NUBPL: variants seen among roughly 807,000 people sequenced by gnomAD.
NUBPL encodes NUBP iron-sulfur cluster assembly factor, mitochondrial.
Under a neutral mutation model 45.7 loss-of-function variants are expected in NUBPL, and 31 were observed. The ratio of observed to expected loss-of-function variants is 0.68; its 90% CI spans 0.51 to 0.92. NUBPL has a LOEUF of 0.92. Among genes scored for constraint, NUBPL ranks in the 40% least tolerant of loss-of-function variants. The pLI is 0.00. For synonymous variants in NUBPL, 144 were observed against 140.9 expected (o/e 1.02, Z -0.15); for missense variants, 401 against 398.7 (o/e 1.01, Z -0.05).
chr14:31,858,987 A>G (rs1201098403), intron 10 of NUBPL, 131 bp from the exon 11 acceptor site: 2 of 742,450 alleles, frequency 2.7e-6, no homozygotes, highest in East Asian at 5.4e-5. Flanking sequence ...CTATCTTCTC[A>G]ATACTGAATT....
rs747163376 is a variant in NUBPL, at chr14:31,708,514, C to G, written c.513+34940C>G. On this transcript the variant is annotated intron_variant, in intron 6 of 10. Transcript: ENST00000281081. ...CTCTCTAATAAGGGTGTGGGACTTT[C>G]AGGCATAACAAGAAAGGCATGTGAA... 4.8e-4 allele frequency among the ~76,000 whole-genome samples: 73 copies of G among 152,318 alleles called. 1 individual carries two copies. Among genetic ancestry groups the G allele is most frequent in the Non-Finnish European group, 7.1e-4 (48 of 68,034 alleles).
At position 31,810,852 on chromosome 14, in the gene NUBPL, G is replaced by T. The variant is rs184889686; in HGVS notation, c.608-15777G>T. 5.4e-4 allele frequency among the ~76,000 whole-genome samples: 82 copies of T among 152,210 alleles called. No individual in the cohort carries two copies. In the East Asian group the frequency reaches 0.013, roughly 24 times the overall value. ...TCTCAGCATTTGCTAGTCTGTAAAG[G>T]ATTTTATTTCTCCTTCCCTTATGAA... On this transcript the variant is annotated intron_variant, in intron 7 of 10. Transcript: ENST00000281081.
At chr14:31,645,886 G>A (rs542788799) in intron 4 of NUBPL, among the ~76,000 whole-genome samples, 19 of 147,130 alleles carry the variant, frequency 1.3e-4, no homozygotes, top group East Asian at 8.1e-4. Flanking sequence ...TCTTTTAGAC[G>A]TCATGCTAAA....
intron 6 of NUBPL, among the ~76,000 whole-genome samples, chr14:31,717,843 C>T (rs1184329631): frequency 6.6e-6 from 1 of 152,024 alleles, no homozygotes; most frequent in Non-Finnish European, 1.5e-5. Context: ...GTTCTGACAT[C>T]TCTTCTCTTG....
At chr14:31,636,428 G>A (rs183208422) in intron 4 of NUBPL, among the ~76,000 whole-genome samples, 23 of 152,072 alleles carry the variant, frequency 1.5e-4, no homozygotes, top group East Asian at 1.2e-3. Flanking sequence ...GCTTTGCATC[G>A]CAGGGATGAA....
At chr14:31,732,305 A>G (rs1035288854) in intron 6 of NUBPL, among the ~76,000 whole-genome samples, 7 of 152,094 alleles carry the variant, frequency 4.6e-5, no homozygotes, top group African/African-American at 1.4e-4. Flanking sequence ...TTCAAAAGTA[A>G]TTAGTTAGAT....
At chr14:31,775,585 C>T (rs2039084886) in intron 6 of NUBPL, among the ~76,000 whole-genome samples, 1 of 152,152 alleles carries the variant, frequency 6.6e-6, no homozygotes, top group African/African-American at 2.4e-5. Context: ...CTCATCCTAC[C>T]CTTCTCAGCT....
intron 3 of NUBPL, among the ~76,000 whole-genome samples, chr14:31,572,513 T>C (rs2033614679): frequency 6.6e-6 from 1 of 152,222 alleles, no homozygotes; most frequent in African/African-American, 2.4e-5. Context: ...CAATGCCTTA[T>C]GACTTAGAAA....
intron 7 of NUBPL, among the ~76,000 whole-genome samples, chr14:31,810,631 TTGTGATG>T (rs2039783699): frequency 6.6e-6 from 1 of 152,192 alleles, no homozygotes; most frequent in Non-Finnish European, 1.5e-5. Context: ...AAGGTTAACA[TTGTGATG>T]TGTGAATTTG....
Position 31,859,335 on chromosome 14 carries a change from T to G in NUBPL, c.*155T>G. On this transcript the variant is annotated 3_prime_UTR_variant, in exon 11 of 11. Coordinates refer to ENST00000281081, the MANE Select transcript of NUBPL (RefSeq NM_025152.3). ...TCATATTTGACTTGCTAAGCTAAGG[T>G]TCACAAAACTTTGATGTATCAATGT... is the stretch of plus-strand genomic sequence containing the variant. 1 of 721,338 alleles carries G rather than the reference T, an allele frequency of 1.4e-6. No individual in the cohort carries two copies. Among genetic ancestry groups the G allele is most frequent in the Non-Finnish European group, 2.4e-6 (1 of 411,242 alleles). 44.7% of individuals were successfully genotyped at this position (721,338 alleles called of 1,614,324 possible).
chr14:31,680,600 T>A (rs1294967519), intron 6 of NUBPL, among the ~76,000 whole-genome samples: 1 of 152,106 alleles, frequency 6.6e-6, no homozygotes, highest in East Asian at 1.9e-4. Context: ...TAATTATAGT[T>A]GTCCCTCAAT....
intron 6 of NUBPL, among the ~76,000 whole-genome samples, chr14:31,762,813 C>T (rs548717209): frequency 4.4e-4 from 66 of 151,482 alleles, no homozygotes; most frequent in Admixed American, 1.1e-3. Flanking sequence ...AACATTTTTA[C>T]ATTTGCACAT....
chr14:31,644,404 T>C (rs1422737806), intron 4 of NUBPL, among the ~76,000 whole-genome samples: 1 of 152,176 alleles, frequency 6.6e-6, no homozygotes, highest in East Asian at 1.9e-4. Flanking sequence ...ATTTCTTCAT[T>C]GACCCATTGG....
chr14:31,591,980 A>C (rs892005808), intron 3 of NUBPL, among the ~76,000 whole-genome samples: 12 of 152,198 alleles, frequency 7.9e-5, no homozygotes, highest in Admixed American at 2.6e-4. Flanking sequence ...CAAGTAAGTT[A>C]AATAGTATGT....
intron 4 of NUBPL, 73 bp downstream of exon 4, chr14:31,599,452 T>C (rs1233732770): frequency 6.9e-6 from 7 of 1,010,914 alleles, no homozygotes; most frequent in Non-Finnish European, 1.1e-5. Context: ...TCAGACATTA[T>C]GCTAGATGCA....
intron 4 of NUBPL, among the ~76,000 whole-genome samples, chr14:31,628,945 G>A (rs1033879819): frequency 2.0e-5 from 3 of 152,096 alleles, no homozygotes; most frequent in Non-Finnish European, 2.9e-5. Context: ...ACAGTTTGGT[G>A]CCACTGCCTT....
At chr14:31,790,453 G>A (rs1897142) in intron 7 of NUBPL, among the ~76,000 whole-genome samples, 64,884 of 151,976 alleles carry the variant, frequency 0.43, 16,651 homozygotes, top group East Asian at 0.6. Flanking sequence ...AATGTGCAGA[G>A]CAGTTAAGTA....
intron 7 of NUBPL, among the ~76,000 whole-genome samples, chr14:31,811,946 C>G (rs1395323801): frequency 6.6e-6 from 1 of 152,200 alleles, no homozygotes; most frequent in Non-Finnish European, 1.5e-5. Flanking sequence ...GTTTCACCAG[C>G]AGAGGCTGCA....
intron 4 of NUBPL, among the ~76,000 whole-genome samples, chr14:31,639,513 G>C (rs1400427640): frequency 6.6e-6 from 1 of 152,216 alleles, no homozygotes; most frequent in Non-Finnish European, 1.5e-5. Flanking sequence ...CTCCCAGTTA[G>C]GCTGCTCGGG....
Sources: gnomAD v4.1 joint callset for allele counts (sites outside exome capture counted in the v4.1 genomes callset) on GRCh38, gnomAD v4.1.1 for gene constraint, MANE v1.5 for transcripts, NCBI Gene and HGNC (gene_info 2026-07-23, HGNC 2026-07-21) for gene names.